RORA: variants seen among roughly 807,000 people sequenced by gnomAD.
RORA encodes the protein nuclear receptor ROR-alpha.
Under a neutral mutation model 69.5 loss-of-function variants are expected in RORA, and 7 were observed. That is an observed-to-expected ratio of 0.10 (90% CI 0.06 to 0.19). The LOEUF is 0.19. Ranked by LOEUF, RORA falls within the 10% of genes least tolerant of loss-of-function variation. The pLI is 1.00. For synonymous variants in RORA, 261 were observed against 240.8 expected (o/e 1.08, Z -0.78); for missense variants, 457 against 663.0 (o/e 0.69, Z 3.41).
intron 1 of RORA, among the ~76,000 whole-genome samples, chr15:60,780,165 C>T (rs1012155154): frequency 7.9e-5 from 12 of 152,044 alleles, no homozygotes; most frequent in African/African-American, 2.4e-4. Flanking sequence ...TTTTTTGCCA[C>T]GCTGGGAGTG....
chr15:60,531,723 C>G lies in RORA; in HGVS notation c.282+43G>C, dbSNP rs368931934. The stretch of plus-strand genomic sequence containing the variant: ...GACATACAAATCACAAAGATATATT[C>G]TAACAAACATTAATAGAAACAACAA... On this transcript the variant is annotated intron_variant, in intron 3 of 10. Coordinates refer to ENST00000335670, the MANE Select transcript of RORA (RefSeq NM_134261.3). This position sits in a 1 kb window ranked among gnomAD's most constrained non-coding sequence, Gnocchi z 4.8. 34 of 1,099,662 alleles carry G rather than the reference C, an allele frequency of 3.1e-5. No homozygotes were observed. The highest frequency in any genetic ancestry group is 2.0e-4 in the Middle Eastern group (1 of 5,062). 68.1% of individuals were successfully genotyped at this position (1,099,662 alleles called of 1,614,324 possible).
chr15:61,185,865 T>C (rs2079736303), intron 1 of RORA, among the ~76,000 whole-genome samples: 2 of 152,144 alleles, frequency 1.3e-5, no homozygotes, highest in Non-Finnish European at 2.9e-5. Context: ...ACAGGCACCA[T>C]GAAATGCCCA....
intron 2 of RORA, among the ~76,000 whole-genome samples, chr15:60,576,196 G>T (rs2068021530): frequency 6.6e-6 from 1 of 152,220 alleles, no homozygotes; most frequent in Non-Finnish European, 1.5e-5. Context: ...TATACAGTGA[G>T]TATGCTTCAG....
intron 1 of RORA, among the ~76,000 whole-genome samples, chr15:61,197,876 G>A (rs1020983933): frequency 2.2e-5 from 3 of 135,578 alleles, no homozygotes; most frequent in South Asian, 4.7e-4. Context: ...ACCACCACAC[G>A]CTGAAGGGAA....
At chr15:61,003,904 A>T (rs906015983) in intron 1 of RORA, among the ~76,000 whole-genome samples, 1 of 152,186 alleles carries the variant, frequency 6.6e-6, no homozygotes, top group Non-Finnish European at 1.5e-5. Flanking sequence ...GAGTAGGGAA[A>T]GGAATAAGCC....
At chr15:60,597,552 ATATATATATATATATATATATAC>A (rs1567115158) in intron 2 of RORA, among the ~76,000 whole-genome samples, 348 of 21,494 alleles carry the variant, frequency 0.016, 1 homozygote, top group African/African-American at 0.032. Flanking sequence ...CACACACAAC[ATATATATATATATATATATATAC>A]ACATATATAT....
At chr15:60,788,080 G>A (rs2072363748) in intron 1 of RORA, among the ~76,000 whole-genome samples, 3 of 152,178 alleles carry the variant, frequency 2.0e-5, no homozygotes, top group Non-Finnish European at 4.4e-5. Context: ...TCTATCTGGG[G>A]AGCTGATCAT....
In RORA at chr15:60,905,110, G is replaced by T. The variant is rs1471112713; in HGVS notation, c.167-226424C>A. 6.6e-6 allele frequency among the ~76,000 whole-genome samples: 1 copy of T among 152,162 alleles called. No homozygotes were observed. The highest frequency in any genetic ancestry group is 1.5e-5 in the Non-Finnish European group (1 of 68,036). Reference sequence around the variant, plus strand: ...ATGAGACTCATTCATACCATGGGCTGGGGAGGCTTGGAAATATTTTAGTTA... The same window carrying T: ...ATGAGACTCATTCATACCATGGGCTTGGGAGGCTTGGAAATATTTTAGTTA... On this transcript the variant is annotated intron_variant, in intron 1 of 10. Transcript: ENST00000335670. The surrounding 1 kb of genome is among the most constrained non-coding windows in gnomAD (Gnocchi z 4.8).
chr15:60,780,468 G>A (rs566179717), intron 1 of RORA, among the ~76,000 whole-genome samples: 1 of 152,278 alleles, frequency 6.6e-6, no homozygotes, highest in Admixed American at 6.5e-5. Context: ...AATCAGGCGA[G>A]CTTCTCCTCG....
intron 2 of RORA, among the ~76,000 whole-genome samples, chr15:60,626,137 G>C (rs2069572932): frequency 6.6e-6 from 1 of 152,122 alleles, no homozygotes; most frequent in Non-Finnish European, 1.5e-5. Flanking sequence ...AACTTCTCTA[G>C]TTCCCCACAG....
rs79819538 is a variant in RORA, at chr15:61,153,644, T to C, written c.166+75409A>G. Among the ~76,000 whole-genome samples, 1,229 of 152,330 alleles carry C rather than the reference T, an allele frequency of 8.1e-3. 23 individuals carry two copies. The highest frequency in any genetic ancestry group is 0.028 in the African/African-American group (1,175 of 41,574). On this transcript the variant is annotated intron_variant, in intron 1 of 10. Transcript: ENST00000335670. ...TGGCTATATAATTTTTGTTAATTGA[T>C]TTGCATGAGGGGATTTGGGCATGAT...
At chr15:60,780,389 C>T (rs2072236173) in intron 1 of RORA, among the ~76,000 whole-genome samples, 1 of 152,134 alleles carries the variant, frequency 6.6e-6, no homozygotes, top group Non-Finnish European at 1.5e-5. Context: ...CCAGTGTAGA[C>T]AGTGAACATC....
At position 60,827,932 on chromosome 15, in the gene RORA, C is replaced by T. The variant is rs147827947; in HGVS notation, c.167-149246G>A. 4.4e-3 allele frequency among the ~76,000 whole-genome samples: 663 copies of T among 152,274 alleles called. 4 individuals are homozygous for T. Among genetic ancestry groups the T allele is most frequent in the African/African-American group, 0.015 (623 of 41,532 alleles). ...TATAACCGCTCATTCATGTTAGTAA[C>T]CCCTGGTATAGTGGTTGGCATGTAT... On this transcript the variant is annotated intron_variant, in intron 1 of 10. Coordinates refer to ENST00000335670, the MANE Select transcript of RORA (RefSeq NM_134261.3).
At chr15:60,814,558 C>T (rs569448732) in intron 1 of RORA, among the ~76,000 whole-genome samples, 10 of 152,116 alleles carry the variant, frequency 6.6e-5, no homozygotes, top group South Asian at 4.2e-4. Flanking sequence ...ATATTTTTTC[C>T]AAGCTTGAAT....
At chr15:60,660,361 T>C (rs1199323941) in intron 2 of RORA, among the ~76,000 whole-genome samples, 3 of 152,208 alleles carry the variant, frequency 2.0e-5, no homozygotes, top group Admixed American at 2.0e-4. Context: ...TTAGGCAACC[T>C]TAATGGAATG....
intron 1 of RORA, among the ~76,000 whole-genome samples, chr15:61,120,614 C>T (rs747406462): frequency 6.7e-6 from 1 of 148,720 alleles, no homozygotes; most frequent in African/African-American, 2.5e-5. Flanking sequence ...GGCAGGAGAA[C>T]GGCGTTAACC....
chr15:61,213,287 T>C lies in RORA; in HGVS notation c.166+15766A>G, dbSNP rs1750297389. On this transcript the variant is annotated intron_variant, in intron 1 of 10. Coordinates refer to ENST00000335670, the MANE Select transcript of RORA (RefSeq NM_134261.3). The surrounding 1 kb of genome is among the most constrained non-coding windows in gnomAD (Gnocchi z 4.1). ...CCACTCCCAACCCTCACCCCAGTCT[T>C]GGCCTTCAATATCAGTCACCAGAAT... is the stretch of plus-strand genomic sequence containing the variant. Among the ~76,000 whole-genome samples, 1 of 152,180 alleles carries C rather than the reference T, an allele frequency of 6.6e-6. No individual in the cohort carries two copies. The highest frequency in any genetic ancestry group is 2.4e-5 in the African/African-American group (1 of 41,452).
At chr15:60,760,034 A>G (rs2071863369) in intron 1 of RORA, among the ~76,000 whole-genome samples, 1 of 152,138 alleles carries the variant, frequency 6.6e-6, no homozygotes, top group African/African-American at 2.4e-5. Flanking sequence ...TTTTTTTAAT[A>G]GTTTTAAATT....
At chr15:60,899,301 C>A (rs527264194) in intron 1 of RORA, among the ~76,000 whole-genome samples, 1 of 152,154 alleles carries the variant, frequency 6.6e-6, no homozygotes, top group African/African-American at 2.4e-5. Flanking sequence ...GCTACCTGGG[C>A]ATGTCAAAAG....
Sources: allele counts gnomAD v4.1 joint callset (sites outside exome capture counted in the v4.1 genomes callset), GRCh38; gene constraint gnomAD v4.1.1; non-coding constraint Gnocchi (gnomAD v3.1); transcripts MANE v1.5; gene names NCBI Gene and HGNC (gene_info 2026-07-23, HGNC 2026-07-21).